Variants in SYNE2 observed in about 807,000 individuals in gnomAD.
The protein encoded by SYNE2 is nesprin-2.
Under a neutral mutation model 856.3 loss-of-function variants are expected in SYNE2, and 431 were observed. The ratio of observed to expected loss-of-function variants is 0.50; its 90% CI spans 0.47 to 0.55. The LOEUF is 0.55. SYNE2 is among the 20% of genes least tolerant of loss of function. The probability of loss-of-function intolerance (pLI) is 0.00; values close to 1 mark genes in which losing one functional copy is unlikely to be tolerated. For synonymous variants in SYNE2, 2,923 were observed against 2,872.3 expected (o/e 1.02, Z -0.56); for missense variants, 8,129 against 8,023.2 (o/e 1.01, Z -0.50).
chr14:64,171,095 T>A (rs1401212754), intron 94 of SYNE2, among the ~76,000 whole-genome samples: 1 of 151,782 alleles, frequency 6.6e-6, no homozygotes, highest in African/African-American at 2.4e-5. Flanking sequence ...AAAACTGATT[T>A]AAAAAAAATA....
chr14:64,129,909 TG>T lies in SYNE2; in HGVS notation c.14139+9del, dbSNP rs1040511862. ...GAGGTTTACAAATTAGAGGTATGCC[TG>T]AGCAGAAAACATTGACTCAGCACTG... On this transcript the variant is annotated intron_variant, in intron 75 of 115. Coordinates refer to ENST00000555002, the MANE Select transcript of SYNE2 (RefSeq NM_182914.3). The T allele has an allele frequency of 3.7e-6, 6 of 1,614,052 alleles. No individual in the cohort carries two copies. In the African/African-American group the frequency reaches 8.0e-5, roughly 22 times the overall value.
chr14:63,948,660 C>CAAA, intron 6 of SYNE2, among the ~76,000 whole-genome samples: 1 of 98,756 alleles, frequency 1.0e-5, no homozygotes, highest in Non-Finnish European at 1.9e-5. Flanking sequence ...GACTCCATCT[C>CAAA]AAAAAAAAAA....
intron 8 of SYNE2, among the ~76,000 whole-genome samples, chr14:63,957,526 C>T (rs1222875303): frequency 6.6e-6 from 1 of 151,938 alleles, no homozygotes; most frequent in Admixed American, 6.6e-5. Context: ...CCTCAGCCTC[C>T]CAAAATGCTG....
In SYNE2 at chr14:64,190,223, T is replaced by A; in HGVS notation, c.18024T>A (p.Asp6008Glu). The A allele has an allele frequency of 6.2e-7, 1 of 1,614,126 alleles. No homozygotes were observed. Among genetic ancestry groups the A allele is most frequent in the Non-Finnish European group, 8.5e-7 (1 of 1,180,028 alleles). The change falls in exon 99 of 116, where the codon GAT (aspartate) becomes GAA (glutamate). Residue 6008 changes from aspartate to glutamate, a missense_variant. Coordinates refer to ENST00000555002, the MANE Select transcript of SYNE2 (RefSeq NM_182914.3). ...KINDRWQHLFDVIGSRVKKLK... is the reference protein window; with the variant it reads ...KINDRWQHLFEVIGSRVKKLK... The stretch of plus-strand genomic sequence containing the variant: ...ACGATCGTTGGCAACATCTTTTTGA[T>A]GTCATCGGATCAAGGTAAGAAATGG...
At chr14:63,987,218 C>T (rs939107589) in intron 19 of SYNE2, among the ~76,000 whole-genome samples, 1 of 151,744 alleles carries the variant, frequency 6.6e-6, no homozygotes, top group Non-Finnish European at 1.5e-5. Flanking sequence ...ATTGCACCAC[C>T]GCACTCCAGC....
At chr14:64,022,076 G>T in intron 37 of SYNE2, 48 bp downstream of exon 37, 1 of 1,564,848 alleles carries the variant, frequency 6.4e-7, no homozygotes, top group Non-Finnish European at 8.8e-7. Context: ...CTTGAAGTAT[G>T]AATGTAGTAC....
intron 17 of SYNE2, among the ~76,000 whole-genome samples, chr14:63,983,162 CT>C (rs1409426619): frequency 2.0e-5 from 3 of 152,108 alleles, no homozygotes; most frequent in Admixed American, 1.3e-4. Flanking sequence ...TACTTCATTC[CT>C]TTTTATTGGC....
chr14:64,188,765 C>T, intron 98 of SYNE2, 57 bp downstream of exon 98: 4 of 1,589,436 alleles, frequency 2.5e-6, no homozygotes, highest in South Asian at 2.2e-5. Context: ...TGTCGGCCCT[C>T]CTCACTCCTA....
At chr14:64,092,510 G>A (rs1249037231) in intron 60 of SYNE2, among the ~76,000 whole-genome samples, 1 of 152,166 alleles carries the variant, frequency 6.6e-6, no homozygotes, top group Non-Finnish European at 1.5e-5. Context: ...TGTGCACAGT[G>A]AACATAGTTA....
At chr14:63,780,448 C>T (rs1454921146) in intron 1 of SYNE2, among the ~76,000 whole-genome samples, 4 of 152,078 alleles carry the variant, frequency 2.6e-5, no homozygotes, top group East Asian at 3.9e-4. Flanking sequence ...GCAGGAGAAT[C>T]GCTTGAACCA....
chr14:63,956,977 C>T (rs2096248494), intron 8 of SYNE2, among the ~76,000 whole-genome samples: 1 of 152,040 alleles, frequency 6.6e-6, no homozygotes, highest in Non-Finnish European at 1.5e-5. Flanking sequence ...TTACCCCTAA[C>T]CCCCCCATGC....
At chr14:64,117,013 A>G (rs915120230) in intron 66 of SYNE2, among the ~76,000 whole-genome samples, 1 of 152,202 alleles carries the variant, frequency 6.6e-6, no homozygotes, top group African/African-American at 2.4e-5. Context: ...AGAAGAATCT[A>G]TAGAGGACAT....
chr14:64,202,566 T>A (rs971893877), intron 99 of SYNE2, among the ~76,000 whole-genome samples: 45 of 152,222 alleles, frequency 3.0e-4, no homozygotes, highest in African/African-American at 1.0e-3. Flanking sequence ...GTGGATTAAC[T>A]CTCAGTCCTT....
At chr14:64,216,755 C>T (rs1317939517) in intron 108 of SYNE2, among the ~76,000 whole-genome samples, 1 of 152,226 alleles carries the variant, frequency 6.6e-6, no homozygotes, top group Admixed American at 6.5e-5. Flanking sequence ...GACGGAGTCT[C>T]ATTCTGTCAC....
intron 9 of SYNE2, among the ~76,000 whole-genome samples, chr14:63,962,556 A>G (rs930022021): frequency 6.6e-6 from 1 of 152,190 alleles, no homozygotes; most frequent in Non-Finnish European, 1.5e-5. Context: ...TGTGTGATTC[A>G]TATAAATGAA....
chr14:63,817,501 C>T (rs566567674), intron 1 of SYNE2, among the ~76,000 whole-genome samples: 2 of 151,598 alleles, frequency 1.3e-5, no homozygotes, highest in Admixed American at 1.3e-4. Flanking sequence ...AACAAACAAA[C>T]AAAAAAAGAC....
chr14:64,210,311 C>T (rs1266131214), intron 103 of SYNE2, among the ~76,000 whole-genome samples, 187 bp downstream of exon 103: 6 of 152,232 alleles, frequency 3.9e-5, no homozygotes. Flanking sequence ...GGGGGATTTG[C>T]ATGTGGGGCT....
intron 1 of SYNE2, among the ~76,000 whole-genome samples, chr14:63,882,747 T>G (rs923500871): frequency 5.3e-5 from 8 of 151,950 alleles, no homozygotes; most frequent in African/African-American, 1.9e-4. Context: ...AACAGTTACT[T>G]GTGGAAAGGT....
chr14:64,130,161 G>A lies in SYNE2; in HGVS notation c.14253G>A (p.Val4751=). The A allele has an allele frequency of 6.2e-7, 1 of 1,614,168 alleles. No individual in the cohort carries two copies. The highest frequency in any genetic ancestry group is 8.5e-7 in the Non-Finnish European group (1 of 1,180,022). ...DALLQGMVEL[V]KIGKEKLAHG... ...TGTTGCAAGGCATGGTGGAACTGGT[G>A]AAGATTGGGAAGGAAAAGCTTGCTC... The change falls in exon 76 of 116, where the codon GTG becomes GTA. Residue 4751 remains valine (V), a synonymous_variant. Coordinates refer to ENST00000555002, the MANE Select transcript of SYNE2 (RefSeq NM_182914.3).
Sources: allele counts gnomAD v4.1 joint callset (sites outside exome capture counted in the v4.1 genomes callset), GRCh38; gene constraint gnomAD v4.1.1; transcripts MANE v1.5; gene names NCBI Gene and HGNC (gene_info 2026-07-23, HGNC 2026-07-21).